ARL15: variants seen among roughly 807,000 people sequenced by gnomAD.
ARL15 encodes ADP-ribosylation factor-like protein 15.
A neutral mutation model predicts 25.2 loss-of-function variants in ARL15; 19 were observed. The observed-to-expected ratio is 0.75, with a 90% confidence interval of 0.53 to 1.10. ARL15 has a LOEUF of 1.10. ARL15 is among the 50% of genes least tolerant of loss of function. The pLI is 0.00. For missense variants in ARL15, 220 were observed against 246.0 expected, an observed-to-expected ratio of 0.89 and a Z score of 0.71; for synonymous variants, 94 against 86.8, an observed-to-expected ratio of 1.08 and a Z score of -0.46.
chr5:54,077,723 A>G (rs187115502), intron 4 of ARL15, among the ~76,000 whole-genome samples: 1 of 152,270 alleles, frequency 6.6e-6, no homozygotes, highest in Non-Finnish European at 1.5e-5. Context: ...TCTTTTTCTA[A>G]TATTCTATTT....
Position 54,216,605 on chromosome 5 carries a change from T to C in ARL15, c.49-44677A>G, listed in dbSNP as rs116285747. On this transcript the variant is annotated intron_variant, in intron 1 of 4. Transcript: ENST00000504924. ...TTATAGCAGTTATAATAGTTGTCTCTATATTATGGGTATATGTATATGTAT... is the reference window on the plus strand; with the variant it reads ...TTATAGCAGTTATAATAGTTGTCTCCATATTATGGGTATATGTATATGTAT... 3.0e-3 allele frequency among the ~76,000 whole-genome samples: 451 copies of C among 151,572 alleles called. 5 individuals carry two copies. The highest frequency in any genetic ancestry group is 9.7e-3 in the African/African-American group (399 of 41,256).
chr5:54,142,766 G>GA (rs908474302), intron 3 of ARL15, among the ~76,000 whole-genome samples: 13 of 151,180 alleles, frequency 8.6e-5, no homozygotes, highest in Admixed American at 3.3e-4. Flanking sequence ...TACTGGAAGT[G>GA]AAAAAAAAAT....
chr5:54,070,899 T>C (rs982838302), intron 4 of ARL15, among the ~76,000 whole-genome samples: 1 of 151,930 alleles, frequency 6.6e-6, no homozygotes, highest in Non-Finnish European at 1.5e-5. Flanking sequence ...CCAGGTGCAA[T>C]GGCTCATGTC....
chr5:54,018,566 G>A (rs144999273), intron 4 of ARL15, among the ~76,000 whole-genome samples: 317 of 152,314 alleles, frequency 2.1e-3, no homozygotes, highest in African/African-American at 7.4e-3. Flanking sequence ...TGAATGCACC[G>A]TGATCTGGGA....
At chr5:54,090,948 G>C (rs1561220341) in intron 4 of ARL15, among the ~76,000 whole-genome samples, 2 of 130,132 alleles carry the variant, frequency 1.5e-5, no homozygotes, top group Non-Finnish European at 3.6e-5. Context: ...GATGTTTTAT[G>C]GCTGAAAGGA....
intron 4 of ARL15, among the ~76,000 whole-genome samples, chr5:54,073,869 TTGAC>T (rs1409991624): frequency 6.6e-6 from 1 of 152,210 alleles, no homozygotes; most frequent in African/African-American, 2.4e-5. Context: ...AAAACTCCTC[TTGAC>T]TATTATGCTG....
chr5:54,228,457 T>C (rs573698780), intron 1 of ARL15, among the ~76,000 whole-genome samples: 6 of 152,246 alleles, frequency 3.9e-5, no homozygotes, highest in African/African-American at 1.2e-4. Flanking sequence ...AAATCTCATC[T>C]TCTAAAGTCC....
intron 1 of ARL15, among the ~76,000 whole-genome samples, chr5:54,256,410 G>GT (rs1403038027): frequency 5.1e-5 from 3 of 59,040 alleles, no homozygotes; most frequent in Non-Finnish European, 1.1e-4. Context: ...GATCGAATCA[G>GT]TTTAAAAAAA....
intron 4 of ARL15, among the ~76,000 whole-genome samples, chr5:53,941,275 C>A (rs1470023144): frequency 6.6e-6 from 1 of 151,934 alleles, no homozygotes; most frequent in African/African-American, 2.4e-5. Context: ...TGCCTGCAAT[C>A]CTTTAAAAAA....
chr5:54,087,337 A>C (rs1751996776), intron 4 of ARL15, among the ~76,000 whole-genome samples: 1 of 152,100 alleles, frequency 6.6e-6, no homozygotes, highest in Admixed American at 6.5e-5. Context: ...CAAAAAAAAA[A>C]GAGAGAACTC....
intron 4 of ARL15, among the ~76,000 whole-genome samples, chr5:54,026,784 G>A (rs1342733929): frequency 6.6e-6 from 1 of 152,108 alleles, no homozygotes; most frequent in Non-Finnish European, 1.5e-5. Flanking sequence ...AGAACAACAT[G>A]GAGAGACACC....
intron 4 of ARL15, among the ~76,000 whole-genome samples, chr5:53,919,499 A>G (rs547730262): frequency 5.3e-5 from 8 of 152,302 alleles, no homozygotes; most frequent in African/African-American, 1.7e-4. Flanking sequence ...AGATCAGCCT[A>G]GTGCTTTCTA....
intron 4 of ARL15, among the ~76,000 whole-genome samples, chr5:53,909,662 C>T (rs757704418): frequency 2.0e-5 from 3 of 152,174 alleles, no homozygotes; most frequent in Non-Finnish European, 2.9e-5. Context: ...GCCAAAATCA[C>T]GCCATTGCAG....
chr5:54,119,083 G>T (rs538565045), intron 3 of ARL15, among the ~76,000 whole-genome samples: 125 of 152,194 alleles, frequency 8.2e-4, no homozygotes, highest in African/African-American at 2.9e-3. Context: ...TATGGTTCAT[G>T]CCTTCATCAC....
chr5:54,249,648 G>C (rs1302037498), intron 1 of ARL15, among the ~76,000 whole-genome samples: 1 of 142,610 alleles, frequency 7.0e-6, no homozygotes, highest in African/African-American at 2.6e-5. Context: ...AGTAAGAAAG[G>C]AGAAGTGTGG....
At chr5:53,925,600 C>T (rs577821673) in intron 4 of ARL15, among the ~76,000 whole-genome samples, 1 of 152,170 alleles carries the variant, frequency 6.6e-6, no homozygotes, top group South Asian at 2.1e-4. Context: ...GTCAGGAGTT[C>T]GAGACCTGCC....
At chr5:54,066,522 G>A (rs1430167653) in intron 4 of ARL15, among the ~76,000 whole-genome samples, 2 of 152,242 alleles carry the variant, frequency 1.3e-5, no homozygotes, top group East Asian at 3.9e-4. Context: ...GACTGACAGG[G>A]ACATTCAAAA....
chr5:53,986,933 A>G (rs954562125), intron 4 of ARL15, among the ~76,000 whole-genome samples: 5 of 152,154 alleles, frequency 3.3e-5, no homozygotes, highest in African/African-American at 1.2e-4. Context: ...CAATGTGGAG[A>G]ACACAAAAGA....
At chr5:53,965,978 A>G (rs1293757894) in intron 4 of ARL15, among the ~76,000 whole-genome samples, 1 of 152,206 alleles carries the variant, frequency 6.6e-6, no homozygotes, top group Non-Finnish European at 1.5e-5. Context: ...TGTGAAATAT[A>G]TATTTGGTTT....
Sources: allele counts gnomAD v4.1 joint callset (sites outside exome capture counted in the v4.1 genomes callset), GRCh38; gene constraint gnomAD v4.1.1; transcripts MANE v1.5; gene names NCBI Gene and HGNC (gene_info 2026-07-23, HGNC 2026-07-21).